DHX37: variants seen among roughly 807,000 people sequenced by gnomAD.
DHX37 encodes probable ATP-dependent RNA helicase DHX37.
DHX37 carries 52 observed loss-of-function variants against 134.3 expected under a neutral mutation model. The observed-to-expected ratio is 0.39, with a 90% CI of 0.31 to 0.49. DHX37 has a LOEUF of 0.49. Ranked by LOEUF, DHX37 falls within the 20% of genes least tolerant of loss-of-function variation. The pLI is 0.93. For missense variants in DHX37, 1,344 were observed against 1,580.8 expected (o/e 0.85, Z 2.54); for synonymous variants, 634 against 670.7 (o/e 0.95, Z 0.85).
At position 124,986,097 on chromosome 12, in the gene DHX37, T is replaced by C; in HGVS notation, c.275A>G (p.Gln92Arg). 1 of 1,613,808 alleles carries C rather than the reference T, an allele frequency of 6.2e-7. No individual in the cohort carries two copies. Among genetic ancestry groups the C allele is most frequent in the South Asian group, 1.1e-5 (1 of 91,008 alleles). ...AGACCCTGCCCGAGTGGGGTGTACC[T>C]GGCTCTTTTTCTCCTTCTGTTCTAA... ...KILEQKEKKS[Q>R]RAEMLQKLSE... The change falls in exon 2 of 27, where the codon CAG becomes CGG. Residue 92 changes from glutamine to arginine, a missense_variant and splice_region_variant. Coordinates refer to ENST00000308736, the MANE Select transcript of DHX37 (RefSeq NM_032656.4).
intron 11 of DHX37, 108 bp from the exon 12 acceptor site, chr12:124,966,986 G>C (rs35177301): frequency 0.21 from 328,533 of 1,540,710 alleles, 38,956 homozygotes; most frequent in East Asian, 0.54. Flanking sequence ...CCATTTATTC[G>C]GGGGTGAGGT....
At position 124,975,477 on chromosome 12, in the gene DHX37, G is replaced by A. The variant is rs1954619343; in HGVS notation, c.922C>T (p.Arg308Ter). ...TGGGACATGGCCACGGCGGCCACTCGGCGGGGCTCCGTGACACCGATGATG... is the reference window on the plus strand; with the variant it reads ...TGGGACATGGCCACGGCGGCCACTCAGCGGGGCTCCGTGACACCGATGATG... ...DSIIGVTEPRRVAAVAMSQRV... is the reference protein window; with the variant it reads ...DSIIGVTEPR Residue 308 changes from arginine (R) to a stop codon, truncating the protein, a stop_gained, in exon 6 of 27, where the codon CGA becomes TGA. Transcript: ENST00000308736. LOFTEE classifies it high-confidence loss of function. The A allele has an allele frequency of 1.9e-6, 3 of 1,612,678 alleles. No individual in the cohort carries two copies. The highest frequency in any genetic ancestry group is 2.5e-6 in the Non-Finnish European group (3 of 1,180,020).
At chr12:124,968,385 T>C in intron 10 of DHX37, 149 bp downstream of exon 10, 2 of 1,342,878 alleles carry the variant, frequency 1.5e-6, no homozygotes, top group Non-Finnish European at 2.0e-6. Flanking sequence ...ACAGGTGTCA[T>C]GAACACTCTG....
At chr12:124,970,566 G>A (rs1012649923) in intron 8 of DHX37, among the ~76,000 whole-genome samples, 4 of 152,190 alleles carry the variant, frequency 2.6e-5, no homozygotes, top group East Asian at 1.9e-4. Flanking sequence ...GTCACTTTTC[G>A]GGTGAAGCCC....
chr12:124,947,702 C>T lies in DHX37; in HGVS notation c.*100G>A. 7.0e-7 allele frequency: 1 copy of T among 1,419,610 alleles called. No homozygotes were observed. Among genetic ancestry groups the T allele is most frequent in the Non-Finnish European group, 9.4e-7 (1 of 1,068,344 alleles). 87.9% of individuals were successfully genotyped at this position (1,419,610 alleles called of 1,614,324 possible). A position where few individuals can be genotyped will look rare whatever the true frequency, so the allele number is the denominator to read the frequency against. On this transcript the variant is annotated 3_prime_UTR_variant, in exon 27 of 27. Transcript: ENST00000308736. Reference sequence around the variant, plus strand: ...GCTTGACCCACTTCCTGAGAGCAGGCCACGAAGCCCATGCCAGGTGGTCAC... The same window carrying T: ...GCTTGACCCACTTCCTGAGAGCAGGTCACGAAGCCCATGCCAGGTGGTCAC...
chr12:124,964,152 G>T (rs547228103), intron 15 of DHX37, among the ~76,000 whole-genome samples: 5 of 134,064 alleles, frequency 3.7e-5, no homozygotes, highest in Non-Finnish European at 6.1e-5. Context: ...TCGAGATCAC[G>T]CCATTGCATT....
chr12:124,981,857 C>G (rs918371374), intron 3 of DHX37, among the ~76,000 whole-genome samples: 3 of 151,936 alleles, frequency 2.0e-5, no homozygotes, highest in African/African-American at 7.2e-5. Context: ...GGCGCGGTGG[C>G]TCACGCCTGT....
intron 4 of DHX37, among the ~76,000 whole-genome samples, chr12:124,978,108 A>G (rs1594507274): frequency 7.0e-6 from 1 of 142,518 alleles, no homozygotes. Context: ...TTACAGGCAC[A>G]TGCCACCACG....
chr12:124,976,636 C>T (rs1371313440), intron 5 of DHX37, among the ~76,000 whole-genome samples: 12 of 151,882 alleles, frequency 7.9e-5, no homozygotes, highest in African/African-American at 1.9e-4. Flanking sequence ...GAGACCATCC[C>T]GGCTAACATG....
chr12:124,989,094 T>G lies in DHX37; in HGVS notation c.-72A>C. 9.5e-7 allele frequency: 1 copy of G among 1,054,842 alleles called. No homozygotes were observed. Among genetic ancestry groups the G allele is most frequent in the Admixed American group, 4.2e-5 (1 of 23,630 alleles). The allele number at this position is 1,054,842 out of a possible 1,614,324, so 65.3% of individuals were successfully genotyped here. A position where few individuals can be genotyped will look rare whatever the true frequency, so the allele number is the denominator to read the frequency against. ...AATCCGAAACCCAGCCCACGTGGGT[T>G]CCCAGACCACCAACTCCGGCCGTGA... On this transcript the variant is annotated 5_prime_UTR_variant, in exon 1 of 27. Coordinates refer to ENST00000308736, the MANE Select transcript of DHX37 (RefSeq NM_032656.4).
At chr12:124,954,926 AT>A (rs1954061808) in intron 18 of DHX37, among the ~76,000 whole-genome samples, 1 of 152,218 alleles carries the variant, frequency 6.6e-6, no homozygotes, top group Non-Finnish European at 1.5e-5. Context: ...GATGGAGAAA[AT>A]GAAGCTCAGA....
At chr12:124,976,110 G>GA (rs1252200180) in intron 5 of DHX37, among the ~76,000 whole-genome samples, 1 of 152,192 alleles carries the variant, frequency 6.6e-6, no homozygotes, top group East Asian at 1.9e-4. Context: ...CGTGGACCCT[G>GA]AATCTCTAAC....
chr12:124,955,621 T>C (rs544115645), intron 18 of DHX37, among the ~76,000 whole-genome samples: 2 of 152,356 alleles, frequency 1.3e-5, no homozygotes, highest in African/African-American at 4.8e-5. Flanking sequence ...AAAGCTGCTT[T>C]TGAAGTTCAG....
chr12:124,957,973 T>C (rs1264350086), intron 16 of DHX37, among the ~76,000 whole-genome samples: 2 of 152,164 alleles, frequency 1.3e-5, no homozygotes, highest in Non-Finnish European at 2.9e-5. Flanking sequence ...GAGAACATCA[T>C]ACTCAGGGAA....
chr12:124,963,279 A>G (rs920725983), intron 15 of DHX37, among the ~76,000 whole-genome samples: 16 of 152,166 alleles, frequency 1.1e-4, no homozygotes, highest in African/African-American at 3.6e-4. Context: ...ACTTTATTGC[A>G]TTTATCTGAA....
chr12:124,968,524 A>G lies in DHX37; in HGVS notation c.1408+10T>C, dbSNP rs1954443830. The G allele has an allele frequency of 6.2e-7, 1 of 1,612,100 alleles. No individual in the cohort carries two copies. Among genetic ancestry groups the G allele is most frequent in the East Asian group, 2.2e-5 (1 of 44,882 alleles). On this transcript the variant is annotated intron_variant, in intron 10 of 26. Coordinates refer to ENST00000308736, the MANE Select transcript of DHX37 (RefSeq NM_032656.4). Reference sequence around the variant, plus strand: ...GAGGCTTCTTTCCCCTGACCTGGCCAGGGCCTCACCTGCGGGCAGCATCCG... The same window carrying G: ...GAGGCTTCTTTCCCCTGACCTGGCCGGGGCCTCACCTGCGGGCAGCATCCG...
At position 124,988,986 on chromosome 12, in the gene DHX37, G is replaced by A; in HGVS notation, c.37C>T (p.Arg13Cys). 7.3e-7 allele frequency: 1 copy of A among 1,361,198 alleles called. No individual in the cohort carries two copies. The highest frequency in any genetic ancestry group is 9.5e-7 in the Non-Finnish European group (1 of 1,048,562). The allele number at this position is 1,361,198 out of a possible 1,614,324, so 84.3% of individuals were successfully genotyped here. A position where few individuals can be genotyped will look rare whatever the true frequency, so the allele number is the denominator to read the frequency against. Residue 13 changes from arginine (R) to cysteine (C), a missense_variant, in exon 1 of 27, where the codon CGC becomes TGC. Around this residue, in one of 7 missense-constraint regions of DHX37, gnomAD observed 319 missense variants for 296.1 expected, o/e 1.08. Transcript: ENST00000308736. ...GAGGGTCCGGGGCCCGCCTGCTGGC[G>A]CCCCTTGATGTTGTAGCGCCGGCGC... ...KLRRRYNIKG[R>C]QQAGPGPSKG...
chr12:124,988,276 A>C (rs1304392461), intron 1 of DHX37, among the ~76,000 whole-genome samples: 1 of 152,080 alleles, frequency 6.6e-6, no homozygotes, highest in Non-Finnish European at 1.5e-5. Context: ...ATCTCCAGGC[A>C]GCCACTCAGG....
intron 3 of DHX37, among the ~76,000 whole-genome samples, chr12:124,982,168 C>A (rs1014786868): frequency 6.6e-6 from 1 of 151,950 alleles, no homozygotes; most frequent in African/African-American, 2.4e-5. Flanking sequence ...AAACCAAACC[C>A]GCTGATGGGC....
Sources: gnomAD v4.1 joint callset for allele counts (sites outside exome capture counted in the v4.1 genomes callset) on GRCh38, gnomAD v4.1.1 for gene constraint, gnomAD v4.1.1 regional missense constraint, MANE v1.5 for transcripts, NCBI Gene and HGNC (gene_info 2026-07-23, HGNC 2026-07-21) for gene names.